The following PACS1 variants were observed in gnomAD, a reference collection of about 807,000 sequenced individuals.
PACS1 encodes phosphofurin acidic cluster sorting protein 1, also known as PACS-1.
PACS1 carries 24 observed loss-of-function variants against 115.0 expected under a neutral mutation model. The observed-to-expected ratio is 0.21, with a 90% CI of 0.15 to 0.29. The LOEUF (loss-of-function observed/expected upper bound fraction) is 0.29. Ranked by LOEUF, PACS1 falls within the 10% of genes least tolerant of loss-of-function variation. The pLI is 1.00. For missense variants in PACS1, 838 were observed against 1,251.2 expected, an observed-to-expected ratio of 0.67 and a Z score of 4.98; for synonymous variants, 453 against 504.5, an observed-to-expected ratio of 0.90 and a Z score of 1.37.
chr11:66,228,963 G>A (rs1855523561), intron 11 of PACS1, among the ~76,000 whole-genome samples: 1 of 152,068 alleles, frequency 6.6e-6, no homozygotes, highest in Non-Finnish European at 1.5e-5. Context: ...ATTGGTAGCA[G>A]AGTCCTCCCT....
chr11:66,139,265 C>T (rs183829131), intron 1 of PACS1, among the ~76,000 whole-genome samples: 2 of 152,210 alleles, frequency 1.3e-5, no homozygotes, highest in East Asian at 1.9e-4. Flanking sequence ...TACAGGCAGG[C>T]AATGCATAAT....
intron 21 of PACS1, chr11:66,241,223 G>A (rs1348558029): frequency 2.8e-5 from 15 of 537,680 alleles, no homozygotes; most frequent in Non-Finnish European, 4.3e-5. Flanking sequence ...TTCGTGACTT[G>A]GGCCTTTATT....
chr11:66,235,902 G>A lies in PACS1; in HGVS notation c.2212G>A (p.Asp738Asn). The change falls in exon 19 of 24, where the codon GAT (aspartate) becomes AAT (asparagine). Residue 738 changes from aspartate (D) to asparagine (N), a missense_variant. Asp to Asn is a conservative substitution (Grantham distance 23). Transcript: ENST00000320580. This position sits in a 1 kb window ranked among gnomAD's most constrained non-coding sequence, Gnocchi z 5.6. ...CTCTCCTGTGTCTCCCAACAGCCCT[G>A]ATGAAGACTCCTATCAGAAGTTTAT... ...AMLTCRHKFPDEDSYQKFIPF... is the reference protein window; with the variant it reads ...AMLTCRHKFPNEDSYQKFIPF... 6.2e-7 allele frequency: 1 copy of A among 1,613,766 alleles called. No homozygotes were observed. The highest frequency in any genetic ancestry group is 8.5e-7 in the Non-Finnish European group (1 of 1,179,686).
chr11:66,193,369 T>C, intron 1 of PACS1, 117 bp from the exon 2 acceptor site: 2 of 656,478 alleles, frequency 3.0e-6, no homozygotes, highest in South Asian at 3.5e-5. Context: ...CCCCTGGGAC[T>C]GAGGACAGCG....
At chr11:66,152,196 T>C (rs1236334081) in intron 1 of PACS1, among the ~76,000 whole-genome samples, 1 of 152,120 alleles carries the variant, frequency 6.6e-6, no homozygotes, top group Non-Finnish European at 1.5e-5. Flanking sequence ...ATCGTGCCAC[T>C]GCACTCCAGC....
chr11:66,107,486 A>G (rs1429541980), intron 1 of PACS1, among the ~76,000 whole-genome samples: 1 of 152,136 alleles, frequency 6.6e-6, no homozygotes, highest in South Asian at 2.1e-4. Context: ...TGAAAGCTCC[A>G]TGAGGGCCAT....
chr11:66,190,394 T>C (rs1854488799), intron 1 of PACS1, among the ~76,000 whole-genome samples: 1 of 152,192 alleles, frequency 6.6e-6, no homozygotes, highest in African/African-American at 2.4e-5. Context: ...AGTTAAACAA[T>C]GTACGTAGTT....
chr11:66,184,694 A>T (rs1165718581), intron 1 of PACS1, among the ~76,000 whole-genome samples: 2 of 152,192 alleles, frequency 1.3e-5, no homozygotes, highest in African/African-American at 4.8e-5. Flanking sequence ...CTTTTGTGTA[A>T]TTCAGAACTT....
intron 11 of PACS1, among the ~76,000 whole-genome samples, chr11:66,228,776 G>A (rs1177338714): frequency 6.6e-6 from 1 of 152,202 alleles, no homozygotes; most frequent in Non-Finnish European, 1.5e-5. Context: ...CCTCAGGAAT[G>A]CTGGAACGTT....
At chr11:66,132,973 C>A (rs887204326) in intron 1 of PACS1, among the ~76,000 whole-genome samples, 16 of 152,102 alleles carry the variant, frequency 1.1e-4, no homozygotes, top group Admixed American at 6.6e-5. Context: ...TGGCTTTTTT[C>A]CTAAATATTT....
chr11:66,207,608 T>C (rs1435233197), intron 2 of PACS1, among the ~76,000 whole-genome samples: 1 of 152,230 alleles, frequency 6.6e-6, no homozygotes, highest in Non-Finnish European at 1.5e-5. Context: ...CGGTCTTCAG[T>C]TGCCACTATA....
At position 66,232,262 on chromosome 11, in the gene PACS1, G is replaced by T. The variant is rs1359144080; in HGVS notation, c.1717G>T (p.Asp573Tyr). ...PENVILVNTT[D>Y]WQGQYVAELL... ...AAATGTCATTCTGGTGAACACCACT[G>T]ACTGGCAGGGCCAGGTAAGTGCTGA... is the stretch of plus-strand genomic sequence containing the variant. Residue 573 changes from aspartate to tyrosine, a missense_variant, in exon 14 of 24, where the codon GAC becomes TAC. By Grantham distance (160) the Asp-to-Tyr change is radical (BLOSUM62 -3). Transcript: ENST00000320580. 6.2e-7 allele frequency: 1 copy of T among 1,607,524 alleles called. No homozygotes were observed. Among genetic ancestry groups the T allele is most frequent in the Non-Finnish European group, 8.5e-7 (1 of 1,174,098 alleles).
Position 66,233,063 on chromosome 11 carries a change from G to A in PACS1, c.1835G>A (p.Arg612His), listed in dbSNP as rs376805247. ...VLSALLTRIQ[R>H]YCNCNSSMPR... The stretch of plus-strand genomic sequence containing the variant: ...TCCGCCCTGCTCACCCGGATCCAGC[G>A]CTAGTAAGGGCTCTGGCCTCCCTTC... Residue 612 changes from arginine to histidine, a missense_variant, in exon 15 of 24, where the codon CGC becomes CAC. Around this residue, in one of 6 missense-constraint regions of PACS1, gnomAD observed 383 missense variants for 537.0 expected, o/e 0.71. Coordinates refer to ENST00000320580, the MANE Select transcript of PACS1 (RefSeq NM_018026.4). The surrounding 1 kb of genome is among the most constrained non-coding windows in gnomAD (Gnocchi z 4.5). 4 of 1,603,872 alleles carry A rather than the reference G, an allele frequency of 2.5e-6. No individual in the cohort carries two copies. Among genetic ancestry groups the A allele is most frequent in the Non-Finnish European group, 3.4e-6 (4 of 1,176,222 alleles).
chr11:66,118,769 C>CA (rs397945291), intron 1 of PACS1, among the ~76,000 whole-genome samples: 34,770 of 83,862 alleles, frequency 0.41, 7,121 homozygotes, highest in South Asian at 0.51. Flanking sequence ...CCCATGTCTA[C>CA]AAAAAAAAAA....
chr11:66,240,882 A>G (rs993102373), intron 21 of PACS1: 2 of 152,440 alleles, frequency 1.3e-5, no homozygotes, highest in Non-Finnish European at 2.9e-5. Flanking sequence ...CTTTCAAGAC[A>G]TACCAGCCCT....
At chr11:66,221,794 C>CCAG (rs897035633) in intron 10 of PACS1, among the ~76,000 whole-genome samples, 11 of 152,034 alleles carry the variant, frequency 7.2e-5, no homozygotes, top group African/African-American at 2.7e-4. Flanking sequence ...CTGCCATGGC[C>CCAG]CAGCGCCTTC....
At position 66,216,231 on chromosome 11, in the gene PACS1, T is replaced by C. The variant is rs760940258; in HGVS notation, c.773T>C (p.Ile258Thr). Reference protein sequence around the residue: ...IKIYSLSSQPIDHEGIKSKLS... With the variant: ...IKIYSLSSQPTDHEGIKSKLS... ...ATCTACTCCCTGTCCAGCCAACCCATTGACCATGAAGGAATCAAATCCAAG... is the reference window on the plus strand; with the variant it reads ...ATCTACTCCCTGTCCAGCCAACCCACTGACCATGAAGGAATCAAATCCAAG... Residue 258 changes from isoleucine to threonine, a missense_variant, in exon 5 of 24, where the codon ATT (isoleucine) becomes ACT (threonine). This residue lies in a region of PACS1 where 223 missense variants were observed against 354.0 expected (regional missense o/e 0.63). Transcript: ENST00000320580. 7 of 1,614,076 alleles carry C rather than the reference T, an allele frequency of 4.3e-6. No homozygotes were observed. The East Asian group carries it at 8.9e-5, about 21-fold the overall frequency.
At position 66,243,262 on chromosome 11, in the gene PACS1, T is replaced by G. The variant is rs1424459561; in HGVS notation, c.2874T>G (p.Ser958Arg). Residue 958 changes from serine to arginine, a missense_variant, in exon 24 of 24, where the codon AGT becomes AGG. This residue lies in a region of PACS1 where 84 missense variants were observed against 187.1 expected (regional missense o/e 0.45). Transcript: ENST00000320580. ...AGCACTTTCCAGTGGGACTCTTCAGTGGCAGCAAGGCCACCTGAGGCCCTG... is the reference window on the plus strand; with the variant it reads ...AGCACTTTCCAGTGGGACTCTTCAGGGGCAGCAAGGCCACCTGAGGCCCTG... ...HVKHFPVGLF[S>R]GSKAT 6.2e-7 allele frequency: 1 copy of G among 1,602,328 alleles called. No homozygotes were observed. Among genetic ancestry groups the G allele is most frequent in the Non-Finnish European group, 8.5e-7 (1 of 1,174,278 alleles).
At chr11:66,124,616 G>A (rs1433402689) in intron 1 of PACS1, among the ~76,000 whole-genome samples, 2 of 152,148 alleles carry the variant, frequency 1.3e-5, no homozygotes, top group African/African-American at 4.8e-5. Context: ...GACAAGAACG[G>A]TGTATTTTGC....
Sources: gnomAD v4.1 joint callset for allele counts (sites outside exome capture counted in the v4.1 genomes callset) on GRCh38, gnomAD v4.1.1 for gene constraint, gnomAD v4.1.1 regional missense constraint, Gnocchi (gnomAD v3.1) non-coding constraint, MANE v1.5 for transcripts, NCBI Gene and HGNC (gene_info 2026-07-23, HGNC 2026-07-21) for gene names.